CCDC77: variants seen among roughly 807,000 people sequenced by gnomAD.
The protein encoded by CCDC77 is coiled-coil domain containing 77, also known as coiled-coil domain-containing protein 77.
A neutral mutation model predicts 66.8 loss-of-function variants in CCDC77; 56 were observed. The observed-to-expected ratio is 0.84, with a 90% CI of 0.68 to 1.05. CCDC77 has a LOEUF of 1.05. Among genes scored for constraint, CCDC77 ranks in the 50% least tolerant of loss-of-function variants. CCDC77 has a pLI of 0.00. For synonymous variants in CCDC77, 196 were observed against 195.2 expected (o/e 1.00, Z -0.03); for missense variants, 570 against 576.8 (o/e 0.99, Z 0.12).
intron 7 of CCDC77, 46 bp downstream of exon 7, chr12:430,782 G>GA: frequency 6.8e-7 from 1 of 1,461,186 alleles, no homozygotes; most frequent in South Asian, 1.1e-5. Context: ...ATGCAGAATT[G>GA]AAAATCACAG....
At chr12:431,067 A>C (rs1221469020) in intron 7 of CCDC77, among the ~76,000 whole-genome samples, 1 of 17,786 alleles carries the variant, frequency 5.6e-5, no homozygotes. Context: ...GACTATCTCC[A>C]AAAAAAAAAA....
chr12:432,358 C>T (rs1474185931), intron 8 of CCDC77, among the ~76,000 whole-genome samples: 1 of 151,960 alleles, frequency 6.6e-6, no homozygotes, highest in Non-Finnish European at 1.5e-5. Context: ...TCTCTTACCT[C>T]CTGGTTATGT....
chr12:423,178 T>A (rs1461022027), intron 5 of CCDC77, among the ~76,000 whole-genome samples: 1 of 126,428 alleles, frequency 7.9e-6, no homozygotes, highest in African/African-American at 2.9e-5. Context: ...TGGAGTGCAG[T>A]GGCATGATCT....
At chr12:440,500 A>G in intron 10 of CCDC77, 117 bp from the exon 11 acceptor site, 2 of 1,173,184 alleles carry the variant, frequency 1.7e-6, no homozygotes, top group South Asian at 3.1e-5. Context: ...CTGGTTCCTT[A>G]ACTCATTTTG....
upstream of CCDC77, among the ~76,000 whole-genome samples, chr12:396,785 T>C (rs1236289530): frequency 6.6e-6 from 1 of 152,202 alleles, no homozygotes; most frequent in Non-Finnish European, 1.5e-5. Context: ...CCACATCAAT[T>C]TCTTCTAATA....
At chr12:423,472 TTTTTGTGTTTTTTTTTGTTTTG>T (rs1292676480) in intron 5 of CCDC77, among the ~76,000 whole-genome samples, 27,603 of 75,878 alleles carry the variant, frequency 0.36, 6,328 homozygotes, top group Non-Finnish European at 0.43. Context: ...TTTTTTGTGT[TTTTTGTGTTTTTTTTTGTTTTG>T]TTTTTTTTTT....
At chr12:439,194 A>G (rs56373675) in intron 10 of CCDC77, among the ~76,000 whole-genome samples, 6,804 of 149,494 alleles carry the variant, frequency 0.046, 309 homozygotes, top group East Asian at 0.23. Context: ...AATGGGTGAG[A>G]AAAAACAGAA....
intron 6 of CCDC77, among the ~76,000 whole-genome samples, chr12:429,083 G>T (rs1237035357): frequency 6.6e-6 from 1 of 152,198 alleles, no homozygotes; most frequent in Admixed American, 6.5e-5. Context: ...AAGCACAGAG[G>T]GGTGGCTGTT....
chr12:433,119 G>C (rs1945680941), intron 8 of CCDC77, 55 bp from the exon 9 acceptor site: 1 of 1,549,660 alleles, frequency 6.5e-7, no homozygotes. Context: ...TTTCCTAGAG[G>C]TATGAAGTAA....
rs1274294860 is a variant in CCDC77 at position 433,329 on chromosome 12, G to A, written c.821+7G>A. 1.2e-6 allele frequency: 2 copies of A among 1,613,556 alleles called. No homozygotes were observed. Among genetic ancestry groups the A allele is most frequent in the Admixed American group, 3.3e-5 (2 of 59,842 alleles). On this transcript the variant is annotated splice_region_variant and intron_variant, in intron 9 of 12. Coordinates refer to ENST00000239830, the MANE Select transcript of CCDC77 (RefSeq NM_032358.4). ...TCAAAGAGCTAACCAAAAAGTGAGT[G>A]TCTAAGAAAGCTGTACCTAACGGGT... is the stretch of plus-strand genomic sequence containing the variant.
intron 5 of CCDC77, among the ~76,000 whole-genome samples, chr12:424,734 A>T (rs985657937): frequency 1.3e-5 from 2 of 152,006 alleles, no homozygotes; most frequent in Non-Finnish European, 2.9e-5. Context: ...ATTGTCAGGA[A>T]ACTTTTCTCC....
intron 1 of CCDC77, among the ~76,000 whole-genome samples, chr12:393,008 A>C (rs1310357621): frequency 1.4e-5 from 1 of 72,458 alleles, no homozygotes; most frequent in Non-Finnish European, 3.2e-5. Context: ...CTGGATTATC[A>C]TATCTGTTTC....
In CCDC77 at chr12:411,835, C is replaced by A; in HGVS notation, c.127C>A (p.Pro43Thr). The change falls in exon 4 of 13, where the codon CCT (proline) becomes ACT (threonine). Residue 43 changes from proline (P) to threonine (T), a missense_variant. Physicochemically the swap from Pro to Thr is conservative, Grantham distance 38 (BLOSUM62 -1). Coordinates refer to ENST00000239830, the MANE Select transcript of CCDC77 (RefSeq NM_032358.4). ...AGATTCACTGGAGTCAACCCCCTTG[C>A]CTTCCCCCGAAGATCGTCTGGCCAA... ...MADSLESTPL[P>T]SPEDRLAKLH... 6.2e-7 allele frequency: 1 copy of A among 1,613,966 alleles called. No individual in the cohort carries two copies. Among genetic ancestry groups the A allele is most frequent in the Non-Finnish European group, 8.5e-7 (1 of 1,179,966 alleles).
intron 1 of CCDC77, among the ~76,000 whole-genome samples, chr12:392,926 C>A (rs1944776287): frequency 6.6e-6 from 1 of 151,278 alleles, no homozygotes; most frequent in Admixed American, 6.6e-5. Context: ...ACAAAAAAAT[C>A]TGGTGAGAAG....
chr12:419,480 T>TC (rs1945356041), intron 5 of CCDC77, among the ~76,000 whole-genome samples: 1 of 134,356 alleles, frequency 7.4e-6, no homozygotes, highest in Non-Finnish European at 1.5e-5. Context: ...AGCAGCACAC[T>TC]CCATGTTCCA....
rs200870206 is a variant in CCDC77, at chr12:428,776, G to A, written c.421G>A (p.Glu141Lys). The change falls in exon 6 of 13, where the codon GAA becomes AAA. Residue 141 changes from glutamate (E) to lysine (K), a missense_variant. Glu to Lys is a moderately conservative substitution (Grantham distance 56). Transcript: ENST00000239830. ...ENDRLRIREL[E>K]DKKKIQNLLA... ...TTTCCATGAGAATTGCAGGGAGCTA[G>A]AAGACAAGAAAAAGATTCAGAATCT... 4.3e-6 allele frequency: 7 copies of A among 1,610,220 alleles called. No homozygotes were observed.
intron 1 of CCDC77, among the ~76,000 whole-genome samples, chr12:404,959 T>A (rs1944965364): frequency 6.6e-6 from 1 of 152,124 alleles, no homozygotes; most frequent in Non-Finnish European, 1.5e-5. Flanking sequence ...TGACCTCAGG[T>A]GATCCGCCTT....
chr12:416,359 G>GTATATATA (rs1945268062), intron 4 of CCDC77, among the ~76,000 whole-genome samples: 3 of 43,528 alleles, frequency 6.9e-5, no homozygotes, highest in African/African-American at 9.0e-5. Flanking sequence ...GTGTGTGTGT[G>GTATATATA]TGTGTGTGTG....
At chr12:415,639 T>G (rs1309809437) in intron 4 of CCDC77, among the ~76,000 whole-genome samples, 1 of 151,638 alleles carries the variant, frequency 6.6e-6, no homozygotes, top group Non-Finnish European at 1.5e-5. Flanking sequence ...GGTTTTTTGT[T>G]TTTTGTTTTT....
Sources: gnomAD v4.1 joint callset for allele counts (sites outside exome capture counted in the v4.1 genomes callset) on GRCh38, gnomAD v4.1.1 for gene constraint, MANE v1.5 for transcripts, NCBI Gene and HGNC (gene_info 2026-07-23, HGNC 2026-07-21) for gene names.